The following SLC12A2 variants were observed in gnomAD, a reference collection of about 807,000 sequenced individuals.
The protein encoded by SLC12A2 is solute carrier family 12 member 2.
A neutral mutation model predicts 136.3 loss-of-function variants in SLC12A2; 67 were observed. The observed-to-expected ratio is 0.49, with a 90% CI of 0.40 to 0.60. The LOEUF (loss-of-function observed/expected upper bound fraction) is 0.60, where lower values mean the gene tolerates loss of function less well. Among genes scored for constraint, SLC12A2 ranks in the 20% least tolerant of loss-of-function variants. The pLI is 0.00. For missense variants in SLC12A2, 1,322 were observed against 1,534.7 expected, an observed-to-expected ratio of 0.86 and a Z score of 2.32; for synonymous variants, 619 against 562.9, an observed-to-expected ratio of 1.10 and a Z score of -1.41.
intron 3 of SLC12A2, 118 bp downstream of exon 3, chr5:128,114,405 A>G (rs1761270748): frequency 1.1e-6 from 1 of 869,760 alleles, no homozygotes; most frequent in Non-Finnish European, 1.8e-6. Flanking sequence ...CCTTTATATC[A>G]GATTGTTATC....
intron 7 of SLC12A2, among the ~76,000 whole-genome samples, chr5:128,136,864 A>C (rs1447305377): frequency 6.6e-6 from 1 of 152,100 alleles, no homozygotes; most frequent in Non-Finnish European, 1.5e-5. Context: ...CTCTCCTTTA[A>C]AGTCCAAACA....
chr5:128,139,597 A>G, intron 9 of SLC12A2, among the ~76,000 whole-genome samples: 1 of 152,182 alleles, frequency 6.6e-6, no homozygotes, highest in Non-Finnish European at 1.5e-5. Context: ...TTTGTTTTAG[A>G]GAATTGTTTT....
rs1763946449 is a variant in SLC12A2 at position 128,188,747 on chromosome 5, A to C, written c.*2116A>C. The C allele has an allele frequency of 6.6e-6, 1 of 152,328 alleles. No homozygotes were observed. Among genetic ancestry groups the C allele is most frequent in the Admixed American group, 6.6e-5 (1 of 15,260 alleles). The allele number at this position is 152,328 out of a possible 1,614,324, so 9.4% of individuals were successfully genotyped here. On this transcript the variant is annotated 3_prime_UTR_variant, in exon 27 of 27. Transcript: ENST00000262461. Reference sequence around the variant, plus strand: ...TAACTGATTTTCTAAAAAAAAAAAAAAAAAAAATTTCTACATTATAACTCA... The same window carrying C: ...TAACTGATTTTCTAAAAAAAAAAAACAAAAAAATTTCTACATTATAACTCA...
At chr5:128,175,138 C>T (rs918058476) in intron 20 of SLC12A2, among the ~76,000 whole-genome samples, 2 of 152,006 alleles carry the variant, frequency 1.3e-5, no homozygotes, top group Non-Finnish European at 2.9e-5. Context: ...TGTCCTATTC[C>T]CAGCTGACAC....
intron 4 of SLC12A2, among the ~76,000 whole-genome samples, chr5:128,122,510 C>T (rs1761619992): frequency 6.6e-6 from 1 of 152,036 alleles, no homozygotes; most frequent in Non-Finnish European, 1.5e-5. Flanking sequence ...ATAGTGAGAA[C>T]AAAAAATCAA....
At chr5:128,175,484 T>G (rs1421670072) in intron 20 of SLC12A2, among the ~76,000 whole-genome samples, 1 of 152,072 alleles carries the variant, frequency 6.6e-6, no homozygotes, top group Non-Finnish European at 1.5e-5. Flanking sequence ...TATTTTAGTT[T>G]ACACTATACA....
intron 15 of SLC12A2, among the ~76,000 whole-genome samples, chr5:128,154,699 C>T (rs1279226218): frequency 1.3e-5 from 2 of 152,148 alleles, no homozygotes; most frequent in Admixed American, 1.3e-4. Flanking sequence ...ATTTGATTGT[C>T]ATGAGTCAGA....
intron 15 of SLC12A2, among the ~76,000 whole-genome samples, chr5:128,153,433 T>G (rs1040189164): frequency 7.2e-5 from 11 of 152,182 alleles, no homozygotes; most frequent in Non-Finnish European, 1.5e-4. Flanking sequence ...CGCATGCCTG[T>G]AGTCCCAGCT....
chr5:128,184,738 T>C (rs1233144863), intron 25 of SLC12A2, 51 bp from the exon 26 acceptor site: 1 of 1,609,414 alleles, frequency 6.2e-7, no homozygotes. Context: ...TGAACCATGC[T>C]AAATTCTTAT....
intron 1 of SLC12A2, among the ~76,000 whole-genome samples, chr5:128,107,457 A>G (rs575906030): frequency 3.4e-4 from 51 of 151,932 alleles, no homozygotes; most frequent in Non-Finnish European, 6.2e-4. Context: ...TCCCTGCCGC[A>G]ACAGACCCCA....
intron 10 of SLC12A2, among the ~76,000 whole-genome samples, chr5:128,143,094 A>G (rs1215009488): frequency 6.6e-6 from 1 of 152,078 alleles, no homozygotes; most frequent in Non-Finnish European, 1.5e-5. Flanking sequence ...TCATCTCTCC[A>G]TTTATTTGTA....
intron 4 of SLC12A2, among the ~76,000 whole-genome samples, chr5:128,127,116 A>ATTTTTTT (rs35726459): frequency 1.0e-4 from 7 of 68,750 alleles, no homozygotes; most frequent in Non-Finnish European, 1.5e-4. Flanking sequence ...TTGGTCTGGA[A>ATTTTTTT]TTTTTTTTTT....
In SLC12A2 at chr5:128,149,430, A is replaced by G. The variant is rs563771175; in HGVS notation, c.2005+553A>G. On this transcript the variant is annotated intron_variant, in intron 12 of 26. Transcript: ENST00000262461. ...TATCTCGTAAACTTTTCTGTGATCA[A>G]GAGTTTTCCTTCTAGGTATGTACCC... Among the ~76,000 whole-genome samples the G allele has an allele frequency of 2.6e-5, 4 of 151,890 alleles. No individual in the cohort carries two copies. In the East Asian group the frequency reaches 7.7e-4, roughly 29 times the overall value.
At chr5:128,098,324 T>C (rs529145097) in intron 1 of SLC12A2, among the ~76,000 whole-genome samples, 17 of 152,220 alleles carry the variant, frequency 1.1e-4, no homozygotes, top group Admixed American at 1.1e-3. Context: ...TTTTAAAATA[T>C]AGTTTTCATT....
chr5:128,126,006 T>C (rs1388408361), intron 4 of SLC12A2, among the ~76,000 whole-genome samples: 2 of 152,222 alleles, frequency 1.3e-5, no homozygotes, highest in South Asian at 2.1e-4. Flanking sequence ...TTCTGTTGCA[T>C]TGATTTGTTT....
At chr5:128,173,467 A>G (rs1164535589) in intron 19 of SLC12A2, among the ~76,000 whole-genome samples, 1 of 152,216 alleles carries the variant, frequency 6.6e-6, no homozygotes, top group Non-Finnish European at 1.5e-5. Flanking sequence ...TGTATTTATA[A>G]TCATTGTGAA....
intron 1 of SLC12A2, among the ~76,000 whole-genome samples, chr5:128,085,572 G>C (rs1425916096): frequency 6.6e-6 from 1 of 152,132 alleles, no homozygotes; most frequent in African/African-American, 2.4e-5. Context: ...AGATAACATT[G>C]ATGCTTTTGA....
chr5:128,167,670 A>G, intron 17 of SLC12A2, 91 bp from the exon 18 acceptor site: 3 of 815,184 alleles, frequency 3.7e-6, no homozygotes, highest in Non-Finnish European at 3.9e-6. Context: ...TGTCTATAGA[A>G]GCTGTCAATT....
intron 4 of SLC12A2, among the ~76,000 whole-genome samples, chr5:128,118,730 A>AT (rs562349790): frequency 1.4e-4 from 22 of 151,846 alleles, no homozygotes; most frequent in African/African-American, 1.4e-4. Context: ...TATTGAAATA[A>AT]TTTTTTTTTA....
Sources: gnomAD v4.1 joint callset for allele counts (sites outside exome capture counted in the v4.1 genomes callset) on GRCh38, gnomAD v4.1.1 for gene constraint, MANE v1.5 for transcripts, NCBI Gene and HGNC (gene_info 2026-07-23, HGNC 2026-07-21) for gene names.